Variants in MDGA2 observed in about 807,000 individuals in gnomAD.
The protein encoded by MDGA2 is MAM domain containing glycosylphosphatidylinositol anchor 2.
Under a neutral mutation model 117.8 loss-of-function variants are expected in MDGA2, and 40 were observed. The ratio of observed to expected loss-of-function variants is 0.34; its 90% CI spans 0.26 to 0.44. The LOEUF (loss-of-function observed/expected upper bound fraction) is 0.44. Ranked by LOEUF, MDGA2 falls within the 20% of genes least tolerant of loss-of-function variation. MDGA2 has a pLI of 1.00. For missense variants in MDGA2, 1,123 were observed against 1,250.6 expected, an observed-to-expected ratio of 0.90 and a Z score of 1.54; for synonymous variants, 452 against 439.0, an observed-to-expected ratio of 1.03 and a Z score of -0.37.
At chr14:47,578,892 T>C (rs1400922599) in intron 1 of MDGA2, among the ~76,000 whole-genome samples, 1 of 152,164 alleles carries the variant, frequency 6.6e-6, no homozygotes, top group Non-Finnish European at 1.5e-5. Context: ...CTGCAATGAA[T>C]TTATTCTTGC....
At chr14:47,436,597 G>T (rs1463730823) in intron 1 of MDGA2, among the ~76,000 whole-genome samples, 1 of 152,028 alleles carries the variant, frequency 6.6e-6, no homozygotes, top group Non-Finnish European at 1.5e-5. Context: ...TAGCCGAGGG[G>T]TGTCCAATCT....
At chr14:47,531,693 T>A (rs2138733947) in intron 1 of MDGA2, among the ~76,000 whole-genome samples, 1 of 152,332 alleles carries the variant, frequency 6.6e-6, no homozygotes, top group South Asian at 2.1e-4. Context: ...AGACTCTTCC[T>A]TAAACCCAAG....
intron 1 of MDGA2, among the ~76,000 whole-genome samples, chr14:47,317,327 TAAAC>T (rs1889838039): frequency 6.6e-6 from 1 of 152,132 alleles, no homozygotes; most frequent in Admixed American, 6.6e-5. Flanking sequence ...CCTCTTTAAA[TAAAC>T]AGAGAAGTAA....
chr14:47,070,178 AT>A (rs1890228492), intron 6 of MDGA2, among the ~76,000 whole-genome samples: 1 of 152,044 alleles, frequency 6.6e-6, no homozygotes, highest in Admixed American at 6.6e-5. Context: ...CTTTATAACT[AT>A]TTTTTATACC....
At chr14:47,213,378 T>G (rs1294365288) in intron 3 of MDGA2, among the ~76,000 whole-genome samples, 1 of 152,176 alleles carries the variant, frequency 6.6e-6, no homozygotes, top group East Asian at 1.9e-4. Context: ...AAGAGCTTCG[T>G]TTTTTTCCTA....
At chr14:47,596,761 T>C (rs1056665474) in intron 1 of MDGA2, among the ~76,000 whole-genome samples, 3 of 152,346 alleles carry the variant, frequency 2.0e-5, no homozygotes, top group East Asian at 3.9e-4. Flanking sequence ...GTTTATTTAA[T>C]TTTTAAAATA....
chr14:47,000,438 CATATAAATATAT>C (rs1183740329), intron 8 of MDGA2, among the ~76,000 whole-genome samples: 7 of 82,202 alleles, frequency 8.5e-5, no homozygotes, highest in African/African-American at 2.9e-4. Flanking sequence ...AATATATATA[CATATAAATATAT>C]ATATAAATAT....
At chr14:46,876,137 A>G (rs1240023610) in intron 12 of MDGA2, among the ~76,000 whole-genome samples, 2 of 151,460 alleles carry the variant, frequency 1.3e-5, no homozygotes, top group African/African-American at 4.8e-5. Flanking sequence ...TAACTAGTGT[A>G]ATAATTCAAA....
At chr14:47,378,399 C>G (rs912950772) in intron 1 of MDGA2, among the ~76,000 whole-genome samples, 1 of 152,074 alleles carries the variant, frequency 6.6e-6, no homozygotes, top group African/African-American at 2.4e-5. Flanking sequence ...TTCAGACGAT[C>G]GGTAATAAGA....
At chr14:47,377,259 C>A (rs1186693399) in intron 1 of MDGA2, among the ~76,000 whole-genome samples, 1 of 152,042 alleles carries the variant, frequency 6.6e-6, no homozygotes, top group Non-Finnish European at 1.5e-5. Context: ...TCCAAGATGG[C>A]CAAATAGAAA....
chr14:46,947,355 T>C (rs1410331163), intron 9 of MDGA2, among the ~76,000 whole-genome samples: 1 of 152,116 alleles, frequency 6.6e-6, no homozygotes, highest in Non-Finnish European at 1.5e-5. Context: ...TTTCAAACAT[T>C]TTTGTACTTG....
chr14:47,412,141 C>A (rs1892386500), intron 1 of MDGA2, among the ~76,000 whole-genome samples: 1 of 152,096 alleles, frequency 6.6e-6, no homozygotes, highest in Non-Finnish European at 1.5e-5. Context: ...TATAAAATGT[C>A]TGTCGATCTT....
At chr14:46,890,344 T>C (rs537627288) in intron 10 of MDGA2, among the ~76,000 whole-genome samples, 3 of 152,184 alleles carry the variant, frequency 2.0e-5, no homozygotes, top group East Asian at 3.9e-4. Flanking sequence ...ATAAAGAAAA[T>C]TACAAGAATA....
At chr14:47,452,578 A>G (rs1893263856) in intron 1 of MDGA2, among the ~76,000 whole-genome samples, 1 of 151,144 alleles carries the variant, frequency 6.6e-6, no homozygotes, top group East Asian at 1.9e-4. Flanking sequence ...GATGACCTTT[A>G]GGAATTCTTC....
chr14:47,060,940 A>C (rs1424360790), intron 7 of MDGA2, among the ~76,000 whole-genome samples: 2 of 151,986 alleles, frequency 1.3e-5, no homozygotes, highest in Non-Finnish European at 2.9e-5. Flanking sequence ...TTTTATTAAT[A>C]TAATTTTAGA....
chr14:47,102,602 T>C (rs1188327574), intron 5 of MDGA2, among the ~76,000 whole-genome samples: 1 of 152,018 alleles, frequency 6.6e-6, no homozygotes, highest in Non-Finnish European at 1.5e-5. Flanking sequence ...GGGTCACTGA[T>C]GAGCAGGTTA....
At chr14:47,005,483 T>G (rs1435770160) in intron 8 of MDGA2, among the ~76,000 whole-genome samples, 2 of 151,684 alleles carry the variant, frequency 1.3e-5, no homozygotes, top group African/African-American at 4.8e-5. Context: ...TGTATTATCA[T>G]TTTTATATAT....
intron 1 of MDGA2, among the ~76,000 whole-genome samples, chr14:47,495,829 A>C (rs1019170916): frequency 3.3e-5 from 5 of 152,222 alleles, no homozygotes; most frequent in Non-Finnish European, 1.5e-5. Flanking sequence ...AAAGAAGAAC[A>C]AATTTTCATT....
At chr14:46,925,974 C>T (rs908271078) in intron 9 of MDGA2, among the ~76,000 whole-genome samples, 13 of 152,172 alleles carry the variant, frequency 8.5e-5, no homozygotes, top group African/African-American at 3.1e-4. Context: ...TCAGTGCCCA[C>T]CTTTCCTACC....
Sources: gnomAD v4.1 joint callset for allele counts (sites outside exome capture counted in the v4.1 genomes callset) on GRCh38, gnomAD v4.1.1 for gene constraint, MANE v1.5 for transcripts, NCBI Gene and HGNC (gene_info 2026-07-23, HGNC 2026-07-21) for gene names.